The following LDB2 variants were observed in gnomAD, a reference collection of about 807,000 sequenced individuals.
The protein encoded by LDB2 is LIM domain-binding protein 2.
A neutral mutation model predicts 44.3 loss-of-function variants in LDB2; 12 were observed. That is an observed-to-expected ratio of 0.27 (90% CI 0.17 to 0.44). The LOEUF is 0.44. Ranked by LOEUF, LDB2 falls within the 20% of genes least tolerant of loss-of-function variation. The pLI, the probability that LDB2 is intolerant of heterozygous loss-of-function variation, is 1.00. For synonymous variants in LDB2, 164 were observed against 174.8 expected (o/e 0.94, Z 0.49); for missense variants, 344 against 473.5 (o/e 0.73, Z 2.54).
intron 5 of LDB2, among the ~76,000 whole-genome samples, chr4:16,557,426 G>C (rs947138136): frequency 6.6e-6 from 1 of 152,212 alleles, no homozygotes; most frequent in Non-Finnish European, 1.5e-5. Flanking sequence ...CTGGCTCGGA[G>C]GGTCCTACGC....
At chr4:16,778,077 C>T (rs1772345877) in intron 1 of LDB2, among the ~76,000 whole-genome samples, 1 of 152,114 alleles carries the variant, frequency 6.6e-6, no homozygotes, top group South Asian at 2.1e-4. Context: ...TCTCAGCATA[C>T]CTCAACTTTA....
At chr4:16,592,564 G>T (rs1294208778) in intron 3 of LDB2, among the ~76,000 whole-genome samples, 5 of 149,432 alleles carry the variant, frequency 3.3e-5, no homozygotes, top group Non-Finnish European at 4.4e-5. Context: ...AATTTGGTTA[G>T]AGTCAGGAGA....
At chr4:16,684,330 T>C (rs1335370856) in intron 2 of LDB2, among the ~76,000 whole-genome samples, 3 of 152,210 alleles carry the variant, frequency 2.0e-5, no homozygotes. Flanking sequence ...TGCCTTTTGT[T>C]TTTAATGTGT....
intron 1 of LDB2, among the ~76,000 whole-genome samples, chr4:16,872,067 T>C (rs11933984): frequency 0.25 from 37,651 of 151,980 alleles, 5,516 homozygotes; most frequent in East Asian, 0.69. Context: ...TTTATTATTA[T>C]CCATAAACTG....
intron 1 of LDB2, among the ~76,000 whole-genome samples, chr4:16,848,253 A>C (rs1004508920): frequency 1.3e-5 from 2 of 152,226 alleles, no homozygotes; most frequent in Non-Finnish European, 2.9e-5. Context: ...ATTCTAAATT[A>C]AGGCTATGTA....
intron 1 of LDB2, among the ~76,000 whole-genome samples, chr4:16,882,399 T>C (rs1720412826): frequency 6.6e-6 from 1 of 152,158 alleles, no homozygotes; most frequent in South Asian, 2.1e-4. Flanking sequence ...TCAGCAGAGT[T>C]CTTTCTTCTC....
intron 2 of LDB2, among the ~76,000 whole-genome samples, chr4:16,602,106 G>T (rs1722724164): frequency 6.6e-6 from 1 of 152,024 alleles, no homozygotes; most frequent in South Asian, 2.1e-4. Flanking sequence ...TCTCTCTGAT[G>T]ACCTGTCTTG....
At chr4:16,734,394 T>C (rs1468190949) in intron 2 of LDB2, among the ~76,000 whole-genome samples, 4 of 152,238 alleles carry the variant, frequency 2.6e-5, no homozygotes, top group Admixed American at 6.5e-5. Context: ...ACTTTACTAA[T>C]CACTAGGAAT....
intron 2 of LDB2, among the ~76,000 whole-genome samples, chr4:16,615,845 G>T (rs553716231): frequency 8.5e-4 from 129 of 152,310 alleles, no homozygotes; most frequent in South Asian, 1.9e-3. Context: ...GGGCCATGGG[G>T]TCAAGAGTGG....
intron 2 of LDB2, among the ~76,000 whole-genome samples, chr4:16,613,168 A>G (rs1726166787): frequency 6.6e-6 from 1 of 152,212 alleles, no homozygotes; most frequent in African/African-American, 2.4e-5. Flanking sequence ...ACATCCCTTC[A>G]TGTTAAAATC....
At chr4:16,766,506 ATATAT>A (rs1170169960) in intron 1 of LDB2, among the ~76,000 whole-genome samples, 1 of 64,688 alleles carries the variant, frequency 1.5e-5, no homozygotes, top group East Asian at 3.6e-4. Context: ...GTGTGTGTGT[ATATAT>A]TTTTTTTTTT....
intron 2 of LDB2, among the ~76,000 whole-genome samples, chr4:16,603,914 G>C (rs1325447877): frequency 6.6e-6 from 1 of 152,030 alleles, no homozygotes; most frequent in Non-Finnish European, 1.5e-5. Flanking sequence ...TGTCACCTGG[G>C]CTAGAGCGCA....
intron 1 of LDB2, among the ~76,000 whole-genome samples, chr4:16,760,750 G>A (rs1339614181): frequency 1.3e-5 from 2 of 152,170 alleles, no homozygotes; most frequent in Non-Finnish European, 2.9e-5. Flanking sequence ...CGTGGCACAC[G>A]TCCTCAATGC....
intron 2 of LDB2, 107 bp downstream of exon 2, chr4:16,759,051 A>G: frequency 1.5e-6 from 1 of 680,540 alleles, no homozygotes; most frequent in Non-Finnish European, 2.6e-6. Flanking sequence ...TCAGGAGTGG[A>G]GGTATTATTG....
chr4:16,596,221 C>T (rs1407733084), intron 2 of LDB2, among the ~76,000 whole-genome samples: 1 of 152,046 alleles, frequency 6.6e-6, no homozygotes, highest in Non-Finnish European at 1.5e-5. Context: ...AAAAATAAGA[C>T]ACTTCCAATC....
intron 2 of LDB2, among the ~76,000 whole-genome samples, chr4:16,719,370 T>C (rs1446838617): frequency 6.6e-6 from 1 of 152,174 alleles, no homozygotes; most frequent in Non-Finnish European, 1.5e-5. Context: ...AATATATTCA[T>C]AAGATCAATG....
At chr4:16,722,658 T>A (rs1334499470) in intron 2 of LDB2, among the ~76,000 whole-genome samples, 1 of 152,170 alleles carries the variant, frequency 6.6e-6, no homozygotes, top group Admixed American at 6.6e-5. Context: ...ACTGTCTTTA[T>A]CCAATCTTTC....
intron 2 of LDB2, among the ~76,000 whole-genome samples, chr4:16,688,755 A>T (rs536037856): frequency 1.3e-5 from 2 of 152,248 alleles, no homozygotes; most frequent in African/African-American, 2.4e-5. Flanking sequence ...TACAGGCTCA[A>T]TGTCAAGAAC....
intron 5 of LDB2, among the ~76,000 whole-genome samples, chr4:16,548,229 G>T (rs976658351): frequency 2.0e-5 from 3 of 152,074 alleles, no homozygotes; most frequent in East Asian, 1.9e-4. Context: ...GAGTATCTCT[G>T]TGCCCATCTG....
Sources: gnomAD v4.1 joint callset for allele counts (sites outside exome capture counted in the v4.1 genomes callset) on GRCh38, gnomAD v4.1.1 for gene constraint, MANE v1.5 for transcripts, NCBI Gene and HGNC (gene_info 2026-07-23, HGNC 2026-07-21) for gene names.